The following SNX17 variants were observed in gnomAD, a reference collection of about 807,000 sequenced individuals.
The protein encoded by SNX17 is sorting nexin-17.
Under a neutral mutation model 64.3 loss-of-function variants are expected in SNX17, and 35 were observed. The ratio of observed to expected loss-of-function variants is 0.54; its 90% CI spans 0.42 to 0.72. The LOEUF is 0.72. Among genes scored for constraint, SNX17 ranks in the 30% least tolerant of loss-of-function variants. SNX17 has a pLI of 0.00. For missense variants in SNX17, 538 were observed against 610.0 expected (o/e 0.88, Z 1.24); for synonymous variants, 259 against 230.2 (o/e 1.13, Z -1.13).
intron 2 of SNX17, 52 bp downstream of exon 2, chr2:27,371,395 G>A: frequency 6.4e-7 from 1 of 1,570,572 alleles, no homozygotes; most frequent in African/African-American, 1.4e-5. Context: ...CCCTACACGT[G>A]GACATCAGTG....
chr2:27,372,973 A>G lies in SNX17; in HGVS notation c.256+233A>G, dbSNP rs1682790394. 5.0e-6 allele frequency: 7 copies of G among 1,413,744 alleles called. No homozygotes were observed. In the South Asian group the frequency reaches 6.2e-5, roughly 13 times the overall value. The allele number at this position is 1,413,744 out of a possible 1,614,324, so 87.6% of individuals were successfully genotyped here. On this transcript the variant is annotated intron_variant, in intron 3 of 14. Transcript: ENST00000233575. The stretch of plus-strand genomic sequence containing the variant: ...AAATACTAGTATAACACTAGTCTTA[A>G]TATCAGTGGAGAGAACTTAATTTGT...
At position 27,375,330 on chromosome 2, in the gene SNX17, G is replaced by A. The variant is rs1289930999; in HGVS notation, c.775-176G>A. Among the ~76,000 whole-genome samples the A allele has an allele frequency of 6.6e-6, 1 of 152,192 alleles. No homozygotes were observed. The highest frequency in any genetic ancestry group is 1.5e-5 in the Non-Finnish European group (1 of 68,034). On this transcript the variant is annotated intron_variant, in intron 9 of 14. Transcript: ENST00000233575. The surrounding 1 kb of genome is among the most constrained non-coding windows in gnomAD (Gnocchi z 4.1). ...ATTTTTTGTATTTTTGGGAGAGACA[G>A]GGTTTCACCATGTTAGCCAGGATGG...
intron 3 of SNX17, 23 bp downstream of exon 3, chr2:27,372,763 G>A: frequency 6.2e-7 from 1 of 1,614,060 alleles, no homozygotes. Flanking sequence ...AGGAAACTAG[G>A]TTGACTATAT....
intron 12 of SNX17, 31 bp from the exon 13 acceptor site, chr2:27,376,282 G>A (rs199939251): frequency 6.2e-7 from 1 of 1,611,758 alleles, no homozygotes; most frequent in Non-Finnish European, 8.5e-7. Flanking sequence ...AAGTGATCCT[G>A]CCCTCACCGG....
In SNX17 at chr2:27,377,071, G is replaced by A; in HGVS notation, c.*352G>A. ...GCCAAAGGCCAAGGGGATGGGCAGA[G>A]GTCTGTGTTTGGTCTGGCCCAGTTC... On this transcript the variant is annotated 3_prime_UTR_variant, in exon 15 of 15. Transcript: ENST00000233575. This position sits in a 1 kb window ranked among gnomAD's most constrained non-coding sequence, Gnocchi z 4.4. 1 of 409,300 alleles carries A rather than the reference G, an allele frequency of 2.4e-6. No homozygotes were observed. The highest frequency in any genetic ancestry group is 4.6e-6 in the Non-Finnish European group (1 of 219,096). The allele number at this position is 409,300 out of a possible 1,614,324, so 25.4% of individuals were successfully genotyped here.
chr2:27,370,790 G>A lies in SNX17; in HGVS notation c.47G>A (p.Gly16Asp). Residue 16 changes from glycine (G) to aspartate (D), a missense_variant, in exon 1 of 15, where the codon GGC becomes GAC. Gly to Asp is a moderately conservative substitution (Grantham distance 94). Transcript: ENST00000233575. ...PETESRSGDS[G>D]GSAYVAYNIH... ...ACCGAGTCCCGCAGCGGGGACAGCG[G>A]CGGCTCCGCCTACGTGGTGAGGAGC... 2.6e-6 allele frequency: 4 copies of A among 1,545,764 alleles called. No homozygotes were observed. The highest frequency in any genetic ancestry group is 3.5e-6 in the Non-Finnish European group (4 of 1,146,458).
At position 27,375,111 on chromosome 2, in the gene SNX17, C is replaced by G. The variant is rs910184823; in HGVS notation, c.732C>G (p.His244Gln). 1 of 1,613,892 alleles carries G rather than the reference C, an allele frequency of 6.2e-7. No homozygotes were observed. Among genetic ancestry groups the G allele is most frequent in the African/African-American group, 1.3e-5 (1 of 74,864 alleles). The change falls in exon 9 of 15, where the codon CAC becomes CAG. Residue 244 changes from histidine (H) to glutamine (Q), a missense_variant. Physicochemically the swap from His to Gln is conservative, Grantham distance 24. Around this residue, in one of 3 missense-constraint regions of SNX17, gnomAD observed 505 missense variants for 550.4 expected, o/e 0.92. Coordinates refer to ENST00000233575, the MANE Select transcript of SNX17 (RefSeq NM_014748.4). The surrounding 1 kb of genome is among the most constrained non-coding windows in gnomAD (Gnocchi z 4.1). ...RGWILVTKEQ[H>Q]RQLKSLQEKV... is the part of the protein sequence containing the mutation. ...GGATCTTGGTCACCAAGGAACAGCA[C>G]CGGCAACTCAAATCTCTGCAAGAGA...
Position 27,376,125 on chromosome 2 carries a change from G to C in SNX17, c.1124G>C (p.Cys375Ser). 1 of 1,614,168 alleles carries C rather than the reference G, an allele frequency of 6.2e-7. No individual in the cohort carries two copies. The highest frequency in any genetic ancestry group is 8.5e-7 in the Non-Finnish European group (1 of 1,180,032). Residue 375 changes from cysteine (C) to serine (S), a missense_variant, in exon 12 of 15, where the codon TGC (cysteine) becomes TCC (serine). Around this residue, in one of 3 missense-constraint regions of SNX17, gnomAD observed 505 missense variants for 550.4 expected, o/e 0.92. Transcript: ENST00000233575. ...CCTCAGGCTATCATGATGAGCATCT[G>C]CTTGCAGTCCATGGTTGATGAACTG... Reference protein sequence around the residue: ...TSPQAIMMSICLQSMVDELMV... With the variant: ...TSPQAIMMSISLQSMVDELMV...
intron 1 of SNX17, 55 bp downstream of exon 1, chr2:27,370,861 G>C: frequency 6.6e-7 from 1 of 1,516,724 alleles, no homozygotes; most frequent in Non-Finnish European, 8.8e-7. Context: ...TAACGGGCCC[G>C]AGCCATCTCG....
In SNX17 at chr2:27,376,863, A is replaced by T. The variant is rs1683301183; in HGVS notation, c.*144A>T. 1.5e-6 allele frequency: 1 copy of T among 668,768 alleles called. No individual in the cohort carries two copies. Among genetic ancestry groups the T allele is most frequent in the Non-Finnish European group, 2.6e-6 (1 of 389,176 alleles). The allele number at this position is 668,768 out of a possible 1,614,324, so 41.4% of individuals were successfully genotyped here. A position where few individuals can be genotyped will look rare whatever the true frequency, so the allele number is the denominator to read the frequency against. ...CTTTTCTCTTGGCCAGGGGCCTCGT[A>T]TCCTACCTTTCCTTGTCCCCTGGGC... On this transcript the variant is annotated 3_prime_UTR_variant, in exon 15 of 15. Coordinates refer to ENST00000233575, the MANE Select transcript of SNX17 (RefSeq NM_014748.4).
chr2:27,370,701 G>A lies in SNX17; in HGVS notation c.-43G>A, dbSNP rs1422806607. On this transcript the variant is annotated 5_prime_UTR_variant, in exon 1 of 15. Coordinates refer to ENST00000233575, the MANE Select transcript of SNX17 (RefSeq NM_014748.4). ...AGGGGGAGCGTGCAGAGCCGCTGCG[G>A]CCCTCACAGTCCGGAGCCCGGCCGT... The A allele has an allele frequency of 9.2e-6, 14 of 1,521,820 alleles. No homozygotes were observed. The highest frequency in any genetic ancestry group is 1.1e-5 in the Non-Finnish European group (12 of 1,128,708). The allele number at this position is 1,521,820 out of a possible 1,614,324, so 94.3% of individuals were successfully genotyped here. A position where few individuals can be genotyped will look rare whatever the true frequency, so the allele number is the denominator to read the frequency against.
Position 27,372,759 on chromosome 2 carries a change from C to T in SNX17, c.256+19C>T. On this transcript the variant is annotated intron_variant, in intron 3 of 14. Transcript: ENST00000233575. ...CAAGCTGGTGAGTGGTTGCAGGAAA[C>T]TAGGTTGACTATATTGAGGACTATG... The T allele has an allele frequency of 2.5e-6, 4 of 1,613,982 alleles. No individual in the cohort carries two copies. In the East Asian group the frequency reaches 6.7e-5, roughly 27 times the overall value.
At position 27,370,617 on chromosome 2, in the gene SNX17, A is replaced by G; in HGVS notation, c.-127A>G. 6.9e-7 allele frequency: 1 copy of G among 1,451,450 alleles called. No individual in the cohort carries two copies. The highest frequency in any genetic ancestry group is 9.1e-7 in the Non-Finnish European group (1 of 1,102,082). The allele number at this position is 1,451,450 out of a possible 1,614,324, so 89.9% of individuals were successfully genotyped here. A position where few individuals can be genotyped will look rare whatever the true frequency, so the allele number is the denominator to read the frequency against. ...AACCGACGTCCCACCGCCTTCCCACATCGGATCGCAGGGCTCCCAAAATGG... is the reference window on the plus strand; with the variant it reads ...AACCGACGTCCCACCGCCTTCCCACGTCGGATCGCAGGGCTCCCAAAATGG... On this transcript the variant is annotated 5_prime_UTR_variant, in exon 1 of 15. Transcript: ENST00000233575.
chr2:27,375,646 C>T lies in SNX17; in HGVS notation c.915C>T (p.Gly305=), dbSNP rs754772474. 1 of 1,614,190 alleles carries T rather than the reference C, an allele frequency of 6.2e-7. No homozygotes were observed. The highest frequency in any genetic ancestry group is 8.5e-7 in the Non-Finnish European group (1 of 1,180,042). ...SELSLQLRLP[G]QQLREGSFRV... Reference sequence around the variant, plus strand: ...TCAGCCTGCAGCTCCGCCTGCCTGGCCAGCAACTCCGAGAAGGCTCCTTCC... The same window carrying T: ...TCAGCCTGCAGCTCCGCCTGCCTGGTCAGCAACTCCGAGAAGGCTCCTTCC... The change falls in exon 10 of 15, where the codon GGC becomes GGT. Residue 305 remains glycine, a synonymous_variant. Coordinates refer to ENST00000233575, the MANE Select transcript of SNX17 (RefSeq NM_014748.4). The surrounding 1 kb of genome is among the most constrained non-coding windows in gnomAD (Gnocchi z 4.1).
At chr2:27,373,505 G>A in intron 4 of SNX17, 194 bp downstream of exon 4, 1 of 587,032 alleles carries the variant, frequency 1.7e-6, no homozygotes, top group Non-Finnish European at 3.0e-6. Context: ...TAGAATTACA[G>A]GCGCCTGCCA....
intron 3 of SNX17, 151 bp downstream of exon 3, chr2:27,372,891 A>G: frequency 1.6e-6 from 2 of 1,237,910 alleles, no homozygotes; most frequent in Non-Finnish European, 1.2e-6. Flanking sequence ...TAAATAGTGT[A>G]CGAGGATGTG....
chr2:27,376,216 G>C (rs1186942769), intron 12 of SNX17, 33 bp downstream of exon 12: 1 of 1,613,134 alleles, frequency 6.2e-7, no homozygotes, highest in Non-Finnish European at 8.5e-7. Flanking sequence ...GCAGTGAGCA[G>C]GTGTGCTCCC....
chr2:27,371,670 C>A, intron 2 of SNX17: 1 of 235,018 alleles, frequency 4.3e-6, no homozygotes, highest in Admixed American at 5.2e-5. Flanking sequence ...TTCCTTCTGT[C>A]ATCTGAGCGG....
chr2:27,376,398 C>A lies in SNX17; in HGVS notation c.1257+11C>A. The A allele has an allele frequency of 6.2e-7, 1 of 1,613,994 alleles. No individual in the cohort carries two copies. Among genetic ancestry groups the A allele is most frequent in the Non-Finnish European group, 8.5e-7 (1 of 1,179,976 alleles). ...TCCCCACCACTGCTTGTAAGTATTA[C>A]CTCCTGGTCAGAACCCTGGCTCTCA... On this transcript the variant is annotated intron_variant, in intron 13 of 14. Coordinates refer to ENST00000233575, the MANE Select transcript of SNX17 (RefSeq NM_014748.4).
Sources: gnomAD v4.1 joint callset for allele counts (sites outside exome capture counted in the v4.1 genomes callset) on GRCh38, gnomAD v4.1.1 for gene constraint, gnomAD v4.1.1 regional missense constraint, Gnocchi (gnomAD v3.1) non-coding constraint, MANE v1.5 for transcripts, NCBI Gene and HGNC (gene_info 2026-07-23, HGNC 2026-07-21) for gene names.